Variants in LMX1B observed in about 807,000 individuals in gnomAD.
LMX1B encodes the protein LIM homeobox transcription factor 1 beta, also known as LIM homeobox transcription factor 1-beta.
LMX1B carries 12 observed loss-of-function variants against 51.4 expected under a neutral mutation model. That is an observed-to-expected ratio of 0.23 (90% CI 0.15 to 0.38). The LOEUF (loss-of-function observed/expected upper bound fraction) is 0.38, where lower values mean the gene tolerates loss of function less well. LMX1B is among the 10% of genes least tolerant of loss of function. The pLI is 1.00. For missense variants in LMX1B, 445 were observed against 571.1 expected (o/e 0.78, Z 2.25); for synonymous variants, 237 against 235.4 (o/e 1.01, Z -0.06).
At chr9:126,622,030 T>G (rs1835426080) in intron 2 of LMX1B, among the ~76,000 whole-genome samples, 1 of 152,224 alleles carries the variant, frequency 6.6e-6, no homozygotes, top group Non-Finnish European at 1.5e-5. Context: ...TGTATCCATT[T>G]CTGCTCAGCA....
chr9:126,667,713 G>C (rs1056357662), intron 2 of LMX1B, among the ~76,000 whole-genome samples: 3 of 152,208 alleles, frequency 2.0e-5, no homozygotes, highest in African/African-American at 7.2e-5. Flanking sequence ...TGGAGAACTA[G>C]GAACCCACAG....
At chr9:126,638,331 T>C (rs1219249737) in intron 2 of LMX1B, among the ~76,000 whole-genome samples, 2 of 151,934 alleles carry the variant, frequency 1.3e-5, no homozygotes, top group African/African-American at 4.8e-5. Flanking sequence ...AGGAGCAAGG[T>C]GAACGACGGG....
In LMX1B at chr9:126,686,720, G is replaced by A. The variant is rs147717387; in HGVS notation, c.327-4116G>A. 2.5e-4 allele frequency among the ~76,000 whole-genome samples: 38 copies of A among 152,286 alleles called. No homozygotes were observed. In the East Asian group the frequency reaches 6.8e-3, roughly 27 times the overall value. On this transcript the variant is annotated intron_variant, in intron 2 of 7. Transcript: ENST00000373474. The stretch of plus-strand genomic sequence containing the variant: ...CACATGGAGATGCACAGAGCAGGGA[G>A]GGAGTATCTGGAGTATCTGGTGATG...
chr9:126,670,340 ATGTG>A (rs1836426004), intron 2 of LMX1B, among the ~76,000 whole-genome samples: 1 of 152,226 alleles, frequency 6.6e-6, no homozygotes, highest in Non-Finnish European at 1.5e-5. Context: ...GTGCATGTAA[ATGTG>A]TGAGCACACT....
chr9:126,682,907 A>AG (rs1482229998), intron 2 of LMX1B, among the ~76,000 whole-genome samples: 1 of 150,404 alleles, frequency 6.6e-6, no homozygotes, highest in Non-Finnish European at 1.5e-5. Flanking sequence ...AAAAAAAAAA[A>AG]AAAAAAAAGA....
chr9:126,630,981 C>A (rs557526185), intron 2 of LMX1B, among the ~76,000 whole-genome samples: 2 of 152,394 alleles, frequency 1.3e-5, no homozygotes, highest in South Asian at 2.1e-4. Context: ...TGCAAAGGGG[C>A]CTGTGGTGAG....
rs892666046 is a variant in LMX1B at position 126,640,146 on chromosome 9, G to A, written c.326+24577G>A. On this transcript the variant is annotated intron_variant, in intron 2 of 7. Transcript: ENST00000373474. ...GTTGTATATATTTAAAGATGTGTCCGTTGAAGGGGGAGCCCTTTGGGCCCT... is the reference window on the plus strand; with the variant it reads ...GTTGTATATATTTAAAGATGTGTCCATTGAAGGGGGAGCCCTTTGGGCCCT... 9.2e-5 allele frequency among the ~76,000 whole-genome samples: 14 copies of A among 152,344 alleles called. No homozygotes were observed. In the East Asian group the frequency reaches 9.7e-4, roughly 11 times the overall value.
chr9:126,648,639 G>A (rs12555721), intron 2 of LMX1B, among the ~76,000 whole-genome samples: 27,232 of 152,200 alleles, frequency 0.18, 3,175 homozygotes, highest in Non-Finnish European at 0.25. Flanking sequence ...GGGCATGTTG[G>A]TGGCACAGCA....
rs1002033502 is a variant in LMX1B at position 126,693,307 on chromosome 9, C to G, written c.725C>G (p.Ser242Trp). The G allele has an allele frequency of 6.2e-7, 1 of 1,603,924 alleles. No individual in the cohort carries two copies. The highest frequency in any genetic ancestry group is 8.5e-7 in the Non-Finnish European group (1 of 1,175,960). The change falls in exon 4 of 8, where the codon TCG becomes TGG. Residue 242 changes from serine to tryptophan, a missense_variant. By Grantham distance (177) the Ser-to-Trp change is radical. Around this residue, in one of 3 missense-constraint regions of LMX1B, gnomAD observed 273 missense variants for 343.3 expected, o/e 0.80. Transcript: ENST00000373474. ...RAFKASFEVSSKPCRKVRETL... is the reference protein window; with the variant it reads ...RAFKASFEVSWKPCRKVRETL... ...TTCAAGGCCTCCTTCGAGGTCTCGT[C>G]GAAGCCTTGCCGAAAGGTGAGGGGC...
chr9:126,663,654 A>G (rs1334471149), intron 2 of LMX1B, among the ~76,000 whole-genome samples: 1 of 152,258 alleles, frequency 6.6e-6, no homozygotes, highest in Non-Finnish European at 1.5e-5. Context: ...TGCAGTAAAC[A>G]TTAATGCCTG....
intron 2 of LMX1B, among the ~76,000 whole-genome samples, chr9:126,621,739 T>C (rs1208042894): frequency 6.7e-6 from 1 of 148,630 alleles, no homozygotes; most frequent in South Asian, 2.1e-4. Context: ...TGACCTCAAG[T>C]CTCCTGAAGC....
intron 2 of LMX1B, among the ~76,000 whole-genome samples, chr9:126,672,665 C>G (rs182062182): frequency 6.6e-6 from 1 of 152,140 alleles, no homozygotes; most frequent in African/African-American, 2.4e-5. Flanking sequence ...GCCTCCCTCT[C>G]GCCCCATTCA....
intron 2 of LMX1B, among the ~76,000 whole-genome samples, chr9:126,629,597 C>T (rs1043616180): frequency 3.9e-5 from 6 of 152,240 alleles, no homozygotes; most frequent in Admixed American, 2.6e-4. Flanking sequence ...TGGGCTGGTA[C>T]TGCAACCCAA....
intron 2 of LMX1B, among the ~76,000 whole-genome samples, chr9:126,659,139 C>T (rs1239620674): frequency 1.3e-5 from 2 of 152,246 alleles, no homozygotes; most frequent in Non-Finnish European, 2.9e-5. Context: ...TTTGTCTAGC[C>T]CCAGAAGGGC....
chr9:126,621,512 G>GA (rs1475977443), intron 2 of LMX1B, among the ~76,000 whole-genome samples: 4 of 152,222 alleles, frequency 2.6e-5, no homozygotes, highest in African/African-American at 9.6e-5. Flanking sequence ...GAAGGTAGAG[G>GA]AAGCAAAGTG....
chr9:126,628,997 A>G (rs1278679379), intron 2 of LMX1B, among the ~76,000 whole-genome samples: 1 of 151,994 alleles, frequency 6.6e-6, no homozygotes, highest in Non-Finnish European at 1.5e-5. Flanking sequence ...TTAGATTAAA[A>G]AAAAAAAAAG....
chr9:126,646,234 G>A (rs10819190), intron 2 of LMX1B, among the ~76,000 whole-genome samples: 50,520 of 151,914 alleles, frequency 0.33, 9,274 homozygotes, highest in East Asian at 0.55. Flanking sequence ...GGAAGTCTGC[G>A]TATCTAAAAA....
At chr9:126,614,684 A>G in intron 1 of LMX1B, 96 bp downstream of exon 1, 1 of 1,311,158 alleles carries the variant, frequency 7.6e-7, no homozygotes, top group African/African-American at 1.5e-5. Flanking sequence ...GATAAAGGAA[A>G]TGGGTTTGCA....
chr9:126,672,419 C>T (rs1836475218), intron 2 of LMX1B, among the ~76,000 whole-genome samples: 1 of 152,214 alleles, frequency 6.6e-6, no homozygotes. Flanking sequence ...CTGTGCAGCA[C>T]ATGTGAGAGT....
Sources: gnomAD v4.1 joint callset for allele counts (sites outside exome capture counted in the v4.1 genomes callset) on GRCh38, gnomAD v4.1.1 for gene constraint, gnomAD v4.1.1 regional missense constraint, MANE v1.5 for transcripts, NCBI Gene and HGNC (gene_info 2026-07-23, HGNC 2026-07-21) for gene names.